ABLIM1: variants seen among roughly 807,000 people sequenced by gnomAD.
ABLIM1 encodes the protein actin binding LIM protein 1.
A neutral mutation model predicts 107.0 loss-of-function variants in ABLIM1; 40 were observed. The ratio of observed to expected loss-of-function variants is 0.37; its 90% confidence interval spans 0.29 to 0.49. The LOEUF is 0.49. Ranked by LOEUF, ABLIM1 falls within the 20% of genes least tolerant of loss-of-function variation. The pLI, the probability that ABLIM1 is intolerant of heterozygous loss-of-function variation, is 0.97. For missense variants in ABLIM1, 857 were observed against 1,008.5 expected (o/e 0.85, Z 2.04); for synonymous variants, 357 against 357.3 (o/e 1.00, Z 0.01).
intron 6 of ABLIM1, among the ~76,000 whole-genome samples, chr10:114,541,970 G>C (rs2066718883): frequency 6.6e-6 from 1 of 151,950 alleles, no homozygotes; most frequent in African/African-American, 2.4e-5. Context: ...TCCCTCCCCA[G>C]CATGTTTTGG....
the ABLIM1 span, among the ~76,000 whole-genome samples, chr10:114,787,151 CGTCCG>C: frequency 5.3e-5 from 8 of 151,760 alleles, no homozygotes; most frequent in African/African-American, 1.9e-4. Flanking sequence ...CCTGTCGCCC[CGTCCG>C]GGATGTGAGG....
At chr10:114,668,451 A>G (rs1261540109) in intron 1 of ABLIM1, among the ~76,000 whole-genome samples, 1 of 152,194 alleles carries the variant, frequency 6.6e-6, no homozygotes, top group African/African-American at 2.4e-5. Flanking sequence ...TGGCCAGAAG[A>G]AAAAGGACAT....
the ABLIM1 span, among the ~76,000 whole-genome samples, chr10:114,789,463 T>C: frequency 5.3e-4 from 80 of 152,286 alleles, no homozygotes; most frequent in African/African-American, 1.9e-3. Context: ...AATCTTTTTT[T>C]ATAACTTTTA....
At chr10:114,541,087 G>A (rs2066598644) in intron 6 of ABLIM1, among the ~76,000 whole-genome samples, 1 of 152,166 alleles carries the variant, frequency 6.6e-6, no homozygotes, top group South Asian at 2.1e-4. Context: ...AAAAGGCGAT[G>A]TGAAGACAAA....
chr10:114,596,458 C>G (rs2075423299), intron 2 of ABLIM1, among the ~76,000 whole-genome samples: 1 of 152,170 alleles, frequency 6.6e-6, no homozygotes, highest in African/African-American at 2.4e-5. Flanking sequence ...CCCATCTACT[C>G]AGGATCACTT....
chr10:114,472,005 G>A (rs777351543), intron 10 of ABLIM1, among the ~76,000 whole-genome samples: 52 of 151,932 alleles, frequency 3.4e-4, no homozygotes, highest in Non-Finnish European at 6.6e-4. Flanking sequence ...GACCGGGGAG[G>A]GGAGGACCCC....
chr10:114,603,681 C>T (rs7095664), intron 1 of ABLIM1, among the ~76,000 whole-genome samples: 8,354 of 150,916 alleles, frequency 0.055, 763 homozygotes, highest in African/African-American at 0.19. Flanking sequence ...TGGCTTGGCA[C>T]GGTGGCTCAC....
At chr10:114,612,820 A>G (rs1255061335) in intron 1 of ABLIM1, among the ~76,000 whole-genome samples, 2 of 152,166 alleles carry the variant, frequency 1.3e-5, no homozygotes, top group Non-Finnish European at 2.9e-5. Context: ...ACAGAAATAC[A>G]AGTTAAGAGA....
At chr10:114,645,358 T>C (rs143129333) in intron 1 of ABLIM1, among the ~76,000 whole-genome samples, 4 of 152,306 alleles carry the variant, frequency 2.6e-5, no homozygotes, top group African/African-American at 9.6e-5. Flanking sequence ...CCCACACTGG[T>C]AACTGGCTTG....
At chr10:114,611,470 G>GA (rs35745645) in intron 1 of ABLIM1, among the ~76,000 whole-genome samples, 61,180 of 143,794 alleles carry the variant, frequency 0.43, 13,533 homozygotes, top group Non-Finnish European at 0.52. Context: ...ACTCTGCCTA[G>GA]AAAAAAAAAA....
chr10:114,737,938 C>G (rs1234449543), intron 1 of ABLIM1, among the ~76,000 whole-genome samples: 5 of 151,974 alleles, frequency 3.3e-5, no homozygotes, highest in Admixed American at 3.3e-4. Context: ...TCTACTACTA[C>G]TTTTGTGAAT....
At chr10:114,443,437 C>A (rs375959887) in intron 17 of ABLIM1, among the ~76,000 whole-genome samples, 1 of 151,424 alleles carries the variant, frequency 6.6e-6, no homozygotes, top group Admixed American at 6.6e-5. Flanking sequence ...CTCAGCCTCC[C>A]GAGTAGCTGG....
chr10:114,787,825 G>T, the ABLIM1 span, among the ~76,000 whole-genome samples: 5 of 148,128 alleles, frequency 3.4e-5, no homozygotes, highest in Admixed American at 2.7e-4. Flanking sequence ...CCGTCTGGGA[G>T]GTTTACCCAA....
chr10:114,654,416 T>C (rs1252960904), intron 1 of ABLIM1, among the ~76,000 whole-genome samples: 1 of 152,250 alleles, frequency 6.6e-6, no homozygotes, highest in African/African-American at 2.4e-5. Flanking sequence ...TGCTTTTGTG[T>C]GCCACTATAC....
the ABLIM1 span, among the ~76,000 whole-genome samples, chr10:114,798,642 C>T: frequency 4.7e-3 from 703 of 150,494 alleles, 10 homozygotes; most frequent in African/African-American, 0.016. Flanking sequence ...CTTGGGAAGC[C>T]GAGGTGGGAG....
intron 2 of ABLIM1, among the ~76,000 whole-genome samples, chr10:114,581,042 A>T (rs1428639537): frequency 6.6e-6 from 1 of 152,242 alleles, no homozygotes; most frequent in Non-Finnish European, 1.5e-5. Flanking sequence ...TGGCTATAAA[A>T]AGTCCTGTGC....
chr10:114,746,718 C>T (rs1362963256), intron 1 of ABLIM1, among the ~76,000 whole-genome samples: 1 of 152,222 alleles, frequency 6.6e-6, no homozygotes, highest in African/African-American at 2.4e-5. Context: ...CTCACCAACG[C>T]TCATCTTCTG....
chr10:114,537,251 T>C (rs56305286), intron 6 of ABLIM1, among the ~76,000 whole-genome samples: 12,612 of 152,266 alleles, frequency 0.083, 681 homozygotes, highest in Non-Finnish European at 0.13. Flanking sequence ...TTTTCCTTAT[T>C]TTTTCTTTTA....
At chr10:114,722,889 T>C (rs1401112773) in intron 1 of ABLIM1, among the ~76,000 whole-genome samples, 2 of 152,204 alleles carry the variant, frequency 1.3e-5, no homozygotes, top group Admixed American at 6.5e-5. Flanking sequence ...TTAGGCTAGA[T>C]AATTTTTTTT....
Sources: gnomAD v4.1 joint callset for allele counts (sites outside exome capture counted in the v4.1 genomes callset) on GRCh38, gnomAD v4.1.1 for gene constraint, MANE v1.5 for transcripts, NCBI Gene and HGNC (gene_info 2026-07-23, HGNC 2026-07-21) for gene names.